Variants in ALDH1A2 observed in about 807,000 individuals in gnomAD.
ALDH1A2 encodes the protein aldehyde dehydrogenase 1 family member A2.
In ALDH1A2, 27 loss-of-function variants were observed where a neutral mutation model predicts 60.3. That is an observed-to-expected ratio of 0.45 (90% CI 0.33 to 0.62). The LOEUF is 0.62. Among genes scored for constraint, ALDH1A2 ranks in the 20% least tolerant of loss-of-function variants. ALDH1A2 has a pLI of 0.02. For missense variants in ALDH1A2, 581 were observed against 643.8 expected (o/e 0.90, Z 1.06); for synonymous variants, 289 against 232.4 (o/e 1.24, Z -2.21).
chr15:57,956,756 G>A (rs1324910941), intron 12 of ALDH1A2, among the ~76,000 whole-genome samples: 3 of 151,992 alleles, frequency 2.0e-5, no homozygotes, highest in Non-Finnish European at 4.4e-5. Context: ...TCTTCATCAC[G>A]GACACCATGT....
rs1221866873 is a variant in ALDH1A2, at chr15:57,953,676, A to T, written c.*1521T>A. 3.9e-5 allele frequency: 6 copies of T among 152,484 alleles called. No homozygotes were observed. Among genetic ancestry groups the T allele is most frequent in the Non-Finnish European group, 5.9e-5 (4 of 68,034 alleles). 9.4% of individuals were successfully genotyped at this position (152,484 alleles called of 1,614,324 possible). ...GTCGTTTGTAAATAACAGCAAGTGG[A>T]GACTTTAAAACATCATGGATAGATA... On this transcript the variant is annotated 3_prime_UTR_variant, in exon 13 of 13. Transcript: ENST00000249750.
Position 58,014,434 on chromosome 15 carries a change from G to A in ALDH1A2, c.118-153C>T, listed in dbSNP as rs759701876. 3.7e-5 allele frequency: 26 copies of A among 709,152 alleles called. No individual in the cohort carries two copies. In the Admixed American group the frequency reaches 4.5e-4, roughly 12 times the overall value. The allele number at this position is 709,152 out of a possible 1,614,324, so 43.9% of individuals were successfully genotyped here. ...TTTAAGAGACCCTTCTAGACTCAAC[G>A]CCAATTTAGGAATTTCCTCTATATT... On this transcript the variant is annotated intron_variant, in intron 1 of 12. Coordinates refer to ENST00000249750, the MANE Select transcript of ALDH1A2 (RefSeq NM_003888.4).
rs558835830 is a variant in ALDH1A2, at chr15:58,030,542, C to T, written c.118-16261G>A. On this transcript the variant is annotated intron_variant, in intron 1 of 12. Coordinates refer to ENST00000249750, the MANE Select transcript of ALDH1A2 (RefSeq NM_003888.4). The stretch of plus-strand genomic sequence containing the variant: ...ATAGTATTGGAAGTTCTGGTCAGGG[C>T]AATCAGAGAAGAGAAAGAAATAAAG... Among the ~76,000 whole-genome samples, 4 of 152,052 alleles carry T rather than the reference C, an allele frequency of 2.6e-5. No homozygotes were observed. The East Asian group carries it at 7.7e-4, about 29-fold the overall frequency.
chr15:58,045,560 A>G (rs894113889), intron 1 of ALDH1A2, among the ~76,000 whole-genome samples: 3 of 152,138 alleles, frequency 2.0e-5, no homozygotes, highest in Non-Finnish European at 4.4e-5. Context: ...AATACTATGC[A>G]GCCATAAAAA....
intron 1 of ALDH1A2, among the ~76,000 whole-genome samples, chr15:58,032,465 C>G (rs1246529685): frequency 6.6e-6 from 1 of 152,040 alleles, no homozygotes. Context: ...TGTAACAAAC[C>G]TGCACGTTGT....
At chr15:58,018,588 T>C (rs957285656) in intron 1 of ALDH1A2, among the ~76,000 whole-genome samples, 2 of 152,008 alleles carry the variant, frequency 1.3e-5, no homozygotes, top group Non-Finnish European at 2.9e-5. Context: ...AAAGAAAAAA[T>C]AGTAACTTTA....
At chr15:57,961,658 T>A (rs1893724587) in intron 10 of ALDH1A2, among the ~76,000 whole-genome samples, 1 of 152,168 alleles carries the variant, frequency 6.6e-6, no homozygotes, top group South Asian at 2.1e-4. Flanking sequence ...CTTGCACAGA[T>A]GTAAAGATGC....
chr15:58,040,669 T>C (rs533526169), intron 1 of ALDH1A2, among the ~76,000 whole-genome samples: 9 of 152,040 alleles, frequency 5.9e-5, no homozygotes, highest in African/African-American at 2.2e-4. Context: ...GATGTAACTT[T>C]AAATTAAAGA....
chr15:57,975,611 A>C (rs1469661587), intron 7 of ALDH1A2, among the ~76,000 whole-genome samples: 1 of 152,240 alleles, frequency 6.6e-6, no homozygotes, highest in Non-Finnish European at 1.5e-5. Flanking sequence ...TTTTGAATTC[A>C]GAATAGTTAA....
chr15:58,038,841 C>T (rs1896441413), intron 1 of ALDH1A2, among the ~76,000 whole-genome samples: 1 of 151,750 alleles, frequency 6.6e-6, no homozygotes, highest in South Asian at 2.1e-4. Flanking sequence ...GTAAACTGAG[C>T]ACATTTAAAT....
At chr15:57,961,374 C>T in intron 10 of ALDH1A2, 80 bp from the exon 11 acceptor site, 1 of 1,515,764 alleles carries the variant, frequency 6.6e-7, no homozygotes, top group Non-Finnish European at 9.0e-7. Flanking sequence ...CAAGTTTACT[C>T]TGCCTTGATT....
rs549890208 is a variant in ALDH1A2, at chr15:57,955,102, G to T, written c.*95C>A. On this transcript the variant is annotated 3_prime_UTR_variant, in exon 13 of 13. Transcript: ENST00000249750. The stretch of plus-strand genomic sequence containing the variant: ...TCTTTTCAATCTTTAAGTAAGGACC[G>T]TGGCTCAACTTTGTATTCCTGAGAG... The T allele has an allele frequency of 2.8e-5, 36 of 1,294,758 alleles. 1 individual carries two copies. Among genetic ancestry groups the T allele is most frequent in the Middle Eastern group, 3.7e-4 (2 of 5,358 alleles). 80.2% of individuals were successfully genotyped at this position (1,294,758 alleles called of 1,614,324 possible).
At chr15:58,059,836 T>A (rs1896976498) in intron 1 of ALDH1A2, among the ~76,000 whole-genome samples, 1 of 152,118 alleles carries the variant, frequency 6.6e-6, no homozygotes, top group African/African-American at 2.4e-5. Flanking sequence ...CCCAGAATAT[T>A]GAACTCTTAT....
chr15:57,956,169 G>A (rs971435695), intron 12 of ALDH1A2, among the ~76,000 whole-genome samples: 1 of 152,008 alleles, frequency 6.6e-6, no homozygotes, highest in African/African-American at 2.4e-5. Context: ...TACAACAGCA[G>A]GCACAAAGAA....
chr15:57,962,757 C>A (rs1194157130), intron 9 of ALDH1A2, among the ~76,000 whole-genome samples: 1 of 152,086 alleles, frequency 6.6e-6, no homozygotes, highest in Non-Finnish European at 1.5e-5. Context: ...TTATCATTTG[C>A]TTATTATGGT....
At chr15:57,960,682 T>C (rs1316707984) in intron 12 of ALDH1A2, 88 bp downstream of exon 12, 1 of 1,142,732 alleles carries the variant, frequency 8.8e-7, no homozygotes, top group East Asian at 2.4e-5. Flanking sequence ...TGGATGAGTG[T>C]AAGATAATTA....
At chr15:57,965,899 A>C in intron 7 of ALDH1A2, 72 bp from the exon 8 acceptor site, 25 of 1,182,766 alleles carry the variant, frequency 2.1e-5, no homozygotes, top group Non-Finnish European at 2.9e-5. Context: ...ATGCCAGCTC[A>C]GGGCATCAAT....
chr15:57,958,332 C>T (rs1171737753), intron 12 of ALDH1A2, among the ~76,000 whole-genome samples: 7 of 151,760 alleles, frequency 4.6e-5, no homozygotes, highest in Non-Finnish European at 7.3e-5. Flanking sequence ...CTTTCCATCT[C>T]CTCAGTTTGT....
chr15:58,030,370 G>T (rs2140539284), intron 1 of ALDH1A2, among the ~76,000 whole-genome samples: 1 of 152,222 alleles, frequency 6.6e-6, no homozygotes, highest in Non-Finnish European at 1.5e-5. Flanking sequence ...CAATAAACTA[G>T]GTATTGATAG....
Sources: allele counts gnomAD v4.1 joint callset (sites outside exome capture counted in the v4.1 genomes callset), GRCh38; gene constraint gnomAD v4.1.1; transcripts MANE v1.5; gene names NCBI Gene and HGNC (gene_info 2026-07-23, HGNC 2026-07-21).